The following SASH1 variants were observed in gnomAD, a reference collection of about 807,000 sequenced individuals.
The protein encoded by SASH1 is SAM and SH3 domain containing 1.
In SASH1, 44 loss-of-function variants were observed where a neutral mutation model predicts 125.2. The ratio of observed to expected loss-of-function variants is 0.35; its 90% CI spans 0.28 to 0.45. The LOEUF is 0.45. Among genes scored for constraint, SASH1 ranks in the 20% least tolerant of loss-of-function variants. The pLI is 1.00. For missense variants in SASH1, 1,426 were observed against 1,614.5 expected (o/e 0.88, Z 2.00); for synonymous variants, 639 against 649.1 (o/e 0.98, Z 0.24).
At chr6:148,231,481 A>G in the SASH1 span, among the ~76,000 whole-genome samples, 3 of 152,208 alleles carry the variant, frequency 2.0e-5, no homozygotes, top group African/African-American at 7.2e-5. Flanking sequence ...TTTCATGATC[A>G]GCTTAGGACA....
chr6:148,473,963 C>G, intron 6 of SASH1, 147 bp from the exon 7 acceptor site: 1 of 555,098 alleles, frequency 1.8e-6, no homozygotes, highest in Non-Finnish European at 3.2e-6. Flanking sequence ...CATATTTTTG[C>G]CACCCTTTGC....
At chr6:148,220,059 T>G in the SASH1 span, among the ~76,000 whole-genome samples, 2 of 152,246 alleles carry the variant, frequency 1.3e-5, no homozygotes, top group African/African-American at 2.4e-5. Flanking sequence ...CCTCCAGTAA[T>G]TCTTCTCATT....
the SASH1 span, among the ~76,000 whole-genome samples, chr6:148,234,717 C>A: frequency 6.6e-6 from 1 of 151,960 alleles, no homozygotes; most frequent in African/African-American, 2.4e-5. Context: ...ATCCCAGCTA[C>A]TCAGGAGGCT....
At chr6:148,260,517 G>C in the SASH1 span, among the ~76,000 whole-genome samples, 1 of 150,798 alleles carries the variant, frequency 6.6e-6, no homozygotes, top group Non-Finnish European at 1.5e-5. Context: ...GAGGCAGGAG[G>C]ATCACTTAAG....
chr6:148,232,110 G>A, the SASH1 span, among the ~76,000 whole-genome samples: 1 of 152,122 alleles, frequency 6.6e-6, no homozygotes, highest in Non-Finnish European at 1.5e-5. Flanking sequence ...ATCTGGACAA[G>A]AGTTGTAGTG....
At chr6:148,266,491 G>A in the SASH1 span, among the ~76,000 whole-genome samples, 1 of 152,148 alleles carries the variant, frequency 6.6e-6, no homozygotes, top group African/African-American at 2.4e-5. Context: ...TTAAGATAAT[G>A]CATGTAGAGC....
chr6:148,449,041 G>A (rs7764408), intron 4 of SASH1, among the ~76,000 whole-genome samples: 28,305 of 133,320 alleles, frequency 0.21, 3,300 homozygotes, highest in East Asian at 0.39. Context: ...GTGTTGCTGT[G>A]ATAGAATACC....
intron 2 of SASH1, among the ~76,000 whole-genome samples, chr6:148,394,289 G>C (rs1783857326): frequency 6.6e-6 from 1 of 152,154 alleles, no homozygotes; most frequent in South Asian, 2.1e-4. Flanking sequence ...GATGTTTCCT[G>C]TGTCACTCAC....
rs756111132 is a variant in SASH1 at position 148,543,880 on chromosome 6, G to A, written c.2410G>A (p.Val804Met). The part of the protein sequence containing the change: ...DTSKSCDPPG[V>M]TGLNKNRRSL... ...GTCCAAGAGCTGTGACCCACCTGGTGTGACTGGTTTGAATAAAAACCGAAG... is the reference window on the plus strand; with the variant it reads ...GTCCAAGAGCTGTGACCCACCTGGTATGACTGGTTTGAATAAAAACCGAAG... Residue 804 changes from valine (V) to methionine (M), a missense_variant, in exon 18 of 20, where the codon GTG becomes ATG. By Grantham distance (21) the Val-to-Met change is conservative. This residue lies in a region of SASH1 where 634 missense variants were observed against 694.4 expected (regional missense o/e 0.91). Coordinates refer to ENST00000367467, the MANE Select transcript of SASH1 (RefSeq NM_015278.5). 3 of 1,614,208 alleles carry A rather than the reference G, an allele frequency of 1.9e-6. No homozygotes were observed. The highest frequency in any genetic ancestry group is 4.5e-5 in the East Asian group (2 of 44,888).
chr6:148,296,713 A>T (rs1484846353), intron 1 of SASH1, among the ~76,000 whole-genome samples: 4 of 152,192 alleles, frequency 2.6e-5, no homozygotes, highest in Non-Finnish European at 2.9e-5. Flanking sequence ...TGTTACACGT[A>T]TGTGGGCACA....
chr6:148,432,426 A>T lies in SASH1; in HGVS notation c.286-7758A>T, dbSNP rs535879168. On this transcript the variant is annotated intron_variant, in intron 2 of 19. Coordinates refer to ENST00000367467, the MANE Select transcript of SASH1 (RefSeq NM_015278.5). ...CTCTACAGCCTTCTTGTAAAGTGAT[A>T]AAAAAAACGTAAATCTGTGACCGGC... Among the ~76,000 whole-genome samples, 38 of 152,138 alleles carry T rather than the reference A, an allele frequency of 2.5e-4. 1 individual carries two copies. In the South Asian group the frequency reaches 4.4e-3, roughly 17 times the overall value.
At chr6:148,472,906 T>C (rs1384697573) in intron 6 of SASH1, among the ~76,000 whole-genome samples, 6 of 151,998 alleles carry the variant, frequency 3.9e-5, no homozygotes, top group Admixed American at 3.9e-4. Flanking sequence ...ATGAGAAAGA[T>C]GGGGAGGAGA....
At chr6:148,384,979 G>A (rs1443278570) in intron 1 of SASH1, among the ~76,000 whole-genome samples, 2 of 152,114 alleles carry the variant, frequency 1.3e-5, no homozygotes, top group African/African-American at 4.8e-5. Context: ...TCATTGATTG[G>A]AATGTAAAAG....
intron 1 of SASH1, among the ~76,000 whole-genome samples, chr6:148,326,376 A>ATTCTT (rs71004287): frequency 0.089 from 3,407 of 38,150 alleles, 370 homozygotes; most frequent in Middle Eastern, 0.13. Flanking sequence ...ATATATATAC[A>ATTCTT]TTCTTTTCTT....
chr6:148,226,574 G>A, the SASH1 span, among the ~76,000 whole-genome samples: 1 of 152,178 alleles, frequency 6.6e-6, no homozygotes, highest in Non-Finnish European at 1.5e-5. Flanking sequence ...AACGCGAAGT[G>A]GGGCACCTCC....
At chr6:148,478,975 T>C (rs976020729) in intron 7 of SASH1, 3 of 156,340 alleles carry the variant, frequency 1.9e-5, no homozygotes, top group African/African-American at 7.2e-5. Flanking sequence ...ATATGAGAAG[T>C]ATGGACCTGT....
chr6:148,473,599 T>C (rs1459638309), intron 6 of SASH1, among the ~76,000 whole-genome samples: 1 of 152,242 alleles, frequency 6.6e-6, no homozygotes, highest in African/African-American at 2.4e-5. Flanking sequence ...TTAGTAGGAA[T>C]GGAAGGTTTT....
At chr6:148,329,397 T>C (rs1174846207) in intron 1 of SASH1, among the ~76,000 whole-genome samples, 1 of 152,166 alleles carries the variant, frequency 6.6e-6, no homozygotes, top group Non-Finnish European at 1.5e-5. Flanking sequence ...GCTATGTACT[T>C]CCCTTAACAG....
the SASH1 span, among the ~76,000 whole-genome samples, chr6:148,266,714 C>T: frequency 6.6e-6 from 1 of 152,152 alleles, no homozygotes; most frequent in East Asian, 1.9e-4. Context: ...GATCCTCCCA[C>T]CTCAGCTTCC....
Sources: gnomAD v4.1 joint callset for allele counts (sites outside exome capture counted in the v4.1 genomes callset) on GRCh38, gnomAD v4.1.1 for gene constraint, gnomAD v4.1.1 regional missense constraint, MANE v1.5 for transcripts, NCBI Gene and HGNC (gene_info 2026-07-23, HGNC 2026-07-21) for gene names.